The following ABCA1 variants were observed in gnomAD, a reference collection of about 807,000 sequenced individuals.
ABCA1 encodes the protein phospholipid-transporting ATPase ABCA1.
ABCA1 carries 133 observed loss-of-function variants against 262.5 expected under a neutral mutation model. That is an observed-to-expected ratio of 0.51 (90% CI 0.44 to 0.59). The LOEUF is 0.59. Ranked by LOEUF, ABCA1 falls within the 20% of genes least tolerant of loss-of-function variation. ABCA1 has a pLI of 0.00. For synonymous variants in ABCA1, 1,022 were observed against 1,043.5 expected (o/e 0.98, Z 0.40); for missense variants, 2,452 against 2,777.5 (o/e 0.88, Z 2.63).
chr9:104,853,215 C>A (rs1835531661), intron 7 of ABCA1, among the ~76,000 whole-genome samples: 1 of 152,052 alleles, frequency 6.6e-6, no homozygotes, highest in South Asian at 2.1e-4. Flanking sequence ...AAAACCACTT[C>A]TTTTTTTTCC....
chr9:104,919,842 T>C (rs1842044537), intron 1 of ABCA1, among the ~76,000 whole-genome samples: 1 of 152,152 alleles, frequency 6.6e-6, no homozygotes, highest in African/African-American at 2.4e-5. Flanking sequence ...AGCAGGTAAA[T>C]AGGAAATTTC....
At chr9:104,926,387 C>A (rs1203023890) in intron 1 of ABCA1, among the ~76,000 whole-genome samples, 2 of 151,060 alleles carry the variant, frequency 1.3e-5, no homozygotes, top group African/African-American at 2.4e-5. Flanking sequence ...ACCCTGGCAC[C>A]GTCCGCCGCC....
intron 43 of ABCA1, 23 bp downstream of exon 43, chr9:104,791,913 C>A: frequency 6.2e-7 from 1 of 1,610,990 alleles, no homozygotes; most frequent in South Asian, 1.1e-5. Context: ...GGGACAAACG[C>A]AATATAGACA....
intron 1 of ABCA1, among the ~76,000 whole-genome samples, chr9:104,913,114 C>A (rs1283326826): frequency 6.6e-6 from 1 of 152,218 alleles, no homozygotes; most frequent in Non-Finnish European, 1.5e-5. Context: ...AACCTTCTCC[C>A]AACCTGAAGG....
intron 40 of ABCA1, 94 bp from the exon 41 acceptor site, chr9:104,793,394 G>T (rs543399428): frequency 1.2e-5 from 19 of 1,529,200 alleles, no homozygotes; most frequent in Non-Finnish European, 8.1e-6. Flanking sequence ...AAAATTCACC[G>T]ATCTTCCAAT....
chr9:104,917,747 C>T (rs1841931120), intron 1 of ABCA1, among the ~76,000 whole-genome samples: 2 of 150,744 alleles, frequency 1.3e-5, no homozygotes, highest in African/African-American at 2.4e-5. Context: ...GAGCAAGACT[C>T]GTCTCAAAAA....
Position 104,784,106 on chromosome 9 carries a change from T to C in ABCA1, c.*209A>G, listed in dbSNP as rs1243158382. 8 of 601,330 alleles carry C rather than the reference T, an allele frequency of 1.3e-5. 1 individual carries two copies. The highest frequency in any genetic ancestry group is 5.6e-5 in the African/African-American group (3 of 53,602). The allele number at this position is 601,330 out of a possible 1,614,324, so 37.2% of individuals were successfully genotyped here. A position where few individuals can be genotyped will look rare whatever the true frequency, so the allele number is the denominator to read the frequency against. The stretch of plus-strand genomic sequence containing the variant: ...ATTCAAGTCTTTCACTTGAGAGCCA[T>C]ACAAGACATAGGCTACAAAGGCACT... On this transcript the variant is annotated 3_prime_UTR_variant, in exon 50 of 50. Coordinates refer to ENST00000374736, the MANE Select transcript of ABCA1 (RefSeq NM_005502.4).
chr9:104,789,684 A>G (rs537262792), intron 44 of ABCA1, among the ~76,000 whole-genome samples: 1 of 152,354 alleles, frequency 6.6e-6, no homozygotes, highest in South Asian at 2.1e-4. Flanking sequence ...TTTAGGTTAT[A>G]CATGTGTCTA....
At chr9:104,888,988 A>C in intron 3 of ABCA1, 114 bp downstream of exon 3, 1 of 933,568 alleles carries the variant, frequency 1.1e-6, no homozygotes, top group Non-Finnish European at 1.8e-6. Context: ...GATCCAAAGC[A>C]TGTGTGATGT....
chr9:104,864,470 C>A (rs1836907026), intron 5 of ABCA1, among the ~76,000 whole-genome samples: 1 of 152,124 alleles, frequency 6.6e-6, no homozygotes, highest in Non-Finnish European at 1.5e-5. Flanking sequence ...AATCACTGTA[C>A]AACCATGGAA....
rs1419254878 is a variant in ABCA1, at chr9:104,812,733, C to G, written c.3902-11G>C. The G allele has an allele frequency of 4.3e-6, 7 of 1,614,114 alleles. No homozygotes were observed. The South Asian group carries it at 5.5e-5, about 13-fold the overall frequency. On this transcript the variant is annotated splice_polypyrimidine_tract_variant and intron_variant, in intron 27 of 49. Coordinates refer to ENST00000374736, the MANE Select transcript of ABCA1 (RefSeq NM_005502.4). ...CTGTCTCTCTGGATTCTGCAAGAAG[C>G]CAACACTGAAGGTCACCTATTATCT...
intron 5 of ABCA1, among the ~76,000 whole-genome samples, chr9:104,881,808 A>G (rs1838678581): frequency 6.6e-6 from 1 of 152,056 alleles, no homozygotes; most frequent in South Asian, 2.1e-4. Context: ...TCCATGTGCA[A>G]GACCAGGACC....
intron 8 of ABCA1, among the ~76,000 whole-genome samples, chr9:104,844,301 C>A (rs147489607): frequency 0.01 from 1,437 of 143,246 alleles, 22 homozygotes; most frequent in African/African-American, 0.032. Context: ...AGCTTCTCTA[C>A]CTAGTAAAAA....
chr9:104,787,504 G>A (rs900677036), intron 46 of ABCA1, among the ~76,000 whole-genome samples: 16 of 152,244 alleles, frequency 1.1e-4, no homozygotes, highest in Middle Eastern at 3.4e-3. Context: ...AAGAAAAAAG[G>A]TCAAGGGCCA....
At chr9:104,860,377 C>T (rs914964135) in intron 6 of ABCA1, among the ~76,000 whole-genome samples, 1 of 152,310 alleles carries the variant, frequency 6.6e-6, no homozygotes, top group East Asian at 1.9e-4. Flanking sequence ...GGCCCATCTC[C>T]TAACCACACA....
chr9:104,840,191 T>G (rs1432273946), intron 9 of ABCA1, 88 bp downstream of exon 9: 1 of 1,607,798 alleles, frequency 6.2e-7, no homozygotes, highest in Admixed American at 1.7e-5. Flanking sequence ...CTAACGCTGC[T>G]ACAGAGGGAG....
intron 11 of ABCA1, among the ~76,000 whole-genome samples, chr9:104,834,246 A>C (rs1484712472): frequency 6.7e-6 from 1 of 149,864 alleles, no homozygotes. Flanking sequence ...TTTCTCTCAT[A>C]TGGTGACTTC....
intron 6 of ABCA1, among the ~76,000 whole-genome samples, chr9:104,859,380 G>A (rs776520784): frequency 1.6e-4 from 24 of 146,892 alleles, no homozygotes; most frequent in Non-Finnish European, 2.2e-4. Flanking sequence ...TACTTCATAC[G>A]TGGTCCAGTG....
intron 5 of ABCA1, among the ~76,000 whole-genome samples, chr9:104,880,729 G>A (rs189777680): frequency 6.6e-6 from 1 of 152,252 alleles, no homozygotes; most frequent in East Asian, 1.9e-4. Flanking sequence ...ACAGAGAGAT[G>A]TAAAACAAGC....
Sources: gnomAD v4.1 joint callset for allele counts (sites outside exome capture counted in the v4.1 genomes callset) on GRCh38, gnomAD v4.1.1 for gene constraint, MANE v1.5 for transcripts, NCBI Gene and HGNC (gene_info 2026-07-23, HGNC 2026-07-21) for gene names.